The following GADL1 variants were observed in gnomAD, a reference collection of about 807,000 sequenced individuals.
GADL1 encodes GAD like acidic amino acid decarboxylase 1.
Under a neutral mutation model 69.5 loss-of-function variants are expected in GADL1, and 71 were observed. The ratio of observed to expected loss-of-function variants is 1.02; its 90% confidence interval spans 0.84 to 1.25. The LOEUF (loss-of-function observed/expected upper bound fraction) is 1.25, where lower values mean the gene tolerates loss of function less well. Among genes scored for constraint, GADL1 ranks in the 50% most tolerant of loss-of-function variants. GADL1 has a pLI of 0.00. For missense variants in GADL1, 737 were observed against 631.8 expected, an observed-to-expected ratio of 1.17 and a Z score of -1.79; for synonymous variants, 254 against 214.4, an observed-to-expected ratio of 1.18 and a Z score of -1.62.
Position 30,844,407 on chromosome 3 carries a change from G to A in GADL1, c.711C>T (p.Cys237=), listed in dbSNP as rs1698021566. The A allele has an allele frequency of 1.2e-6, 2 of 1,613,068 alleles. No homozygotes were observed. The highest frequency in any genetic ancestry group is 1.7e-6 in the Non-Finnish European group (2 of 1,179,250). Residue 237 remains cysteine, a synonymous_variant, in exon 7 of 15, where the codon TGC becomes TGT. Transcript: ENST00000282538. Reference sequence around the variant, plus strand: ...ATTACCTTCCATCTGTTTCCACAAAGCAAACATTCTCAGTGCCAATCCCAA... The same window carrying A: ...ATTACCTTCCATCTGTTTCCACAAAACAAACATTCTCAGTGCCAATCCCAA... ...SFLGIGTENV[C]FVETDGRGKM...
At chr3:30,746,788 A>G (rs79024192) in intron 14 of GADL1, among the ~76,000 whole-genome samples, 26 of 152,350 alleles carry the variant, frequency 1.7e-4, no homozygotes, top group Non-Finnish European at 3.7e-4. Context: ...AAAAATTTCC[A>G]TTAAAATAAT....
intron 3 of GADL1, among the ~76,000 whole-genome samples, chr3:30,856,621 C>G (rs1213904851): frequency 6.6e-6 from 1 of 151,946 alleles, no homozygotes; most frequent in African/African-American, 2.4e-5. Context: ...CTTTTGAACA[C>G]TTTTTTTGCA....
chr3:30,846,106 C>A (rs1234382755), intron 6 of GADL1, among the ~76,000 whole-genome samples: 1 of 150,420 alleles, frequency 6.6e-6, no homozygotes, highest in Non-Finnish European at 1.5e-5. Flanking sequence ...CATCTGAAAG[C>A]TTCAGAGAAG....
At chr3:30,844,941 A>AGGGT (rs1698030044) in intron 6 of GADL1, among the ~76,000 whole-genome samples, 3 of 152,158 alleles carry the variant, frequency 2.0e-5, no homozygotes, top group Admixed American at 6.5e-5. Context: ...GGAAACTTAG[A>AGGGT]ATCTAGTCCA....
At chr3:30,877,993 A>G (rs1453713914) in intron 1 of GADL1, among the ~76,000 whole-genome samples, 3 of 151,850 alleles carry the variant, frequency 2.0e-5, no homozygotes, top group Admixed American at 2.0e-4. Flanking sequence ...AACACACATA[A>G]ATTCCAAGTA....
chr3:30,782,937 AG>A (rs1373231812), intron 13 of GADL1, among the ~76,000 whole-genome samples: 2 of 152,206 alleles, frequency 1.3e-5, no homozygotes, highest in East Asian at 1.9e-4. Context: ...TAGTTTTATT[AG>A]ATTACAAGAT....
intron 1 of GADL1, among the ~76,000 whole-genome samples, chr3:30,885,789 T>C (rs1698695690): frequency 6.6e-6 from 1 of 151,942 alleles, no homozygotes; most frequent in Non-Finnish European, 1.5e-5. Flanking sequence ...TTACTTTTAA[T>C]AGAGGTGAGA....
intron 12 of GADL1, among the ~76,000 whole-genome samples, chr3:30,794,404 T>C (rs1001368016): frequency 2.0e-5 from 3 of 152,110 alleles, no homozygotes; most frequent in African/African-American, 7.2e-5. Flanking sequence ...GAAGGTGCCC[T>C]CAGCAACAGG....
At chr3:30,860,464 C>G (rs968697605) in intron 2 of GADL1, among the ~76,000 whole-genome samples, 1 of 151,874 alleles carries the variant, frequency 6.6e-6, no homozygotes, top group Non-Finnish European at 1.5e-5. Context: ...AAGTATTTCA[C>G]AAGTACAGAG....
At chr3:30,771,797 CAATT>C (rs997139572) in intron 14 of GADL1, among the ~76,000 whole-genome samples, 41 of 152,262 alleles carry the variant, frequency 2.7e-4, no homozygotes, top group Admixed American at 1.2e-3. Flanking sequence ...ACACAGCTTT[CAATT>C]AATTTGTGAA....
At chr3:30,755,556 T>C (rs1399978747) in intron 14 of GADL1, among the ~76,000 whole-genome samples, 2 of 151,666 alleles carry the variant, frequency 1.3e-5, no homozygotes, top group African/African-American at 2.4e-5. Flanking sequence ...CTTTGCAATA[T>C]GTTACGACAG....
intron 14 of GADL1, among the ~76,000 whole-genome samples, chr3:30,769,540 T>C (rs1559494412): frequency 8.4e-6 from 1 of 119,748 alleles, no homozygotes; most frequent in Non-Finnish European, 1.7e-5. Flanking sequence ...TCCTCTATGG[T>C]CTAATCATGG....
intron 2 of GADL1, among the ~76,000 whole-genome samples, chr3:30,861,147 C>T (rs1698314571): frequency 1.3e-5 from 2 of 151,840 alleles, no homozygotes; most frequent in Non-Finnish European, 2.9e-5. Flanking sequence ...TTCATAAGGA[C>T]CTTAAGATAA....
intron 11 of GADL1, among the ~76,000 whole-genome samples, chr3:30,823,753 G>T (rs1057076458): frequency 6.6e-6 from 1 of 151,924 alleles, no homozygotes; most frequent in Non-Finnish European, 1.5e-5. Context: ...CAGTGTTCAA[G>T]TATATAAAAG....
chr3:30,836,397 T>TAA lies in GADL1; in HGVS notation c.904-2118_904-2117dup, dbSNP rs34081672. ...ACAGCTCATCCATAAATTTATTCCT[T>TAA]AAAAAAAAAAAAACACCCCTGATGT... On this transcript the variant is annotated intron_variant, in intron 9 of 14. Transcript: ENST00000282538. 0.012 allele frequency among the ~76,000 whole-genome samples: 1,748 copies of TAA among 144,760 alleles called. 82 individuals carry two copies. In the East Asian group the frequency reaches 0.19, roughly 16 times the overall value. 95.0% of individuals were successfully genotyped at this position (144,760 alleles called of 152,430 possible). A position where few individuals can be genotyped will look rare whatever the true frequency, so the allele number is the denominator to read the frequency against.
chr3:30,866,832 C>T lies in GADL1; in HGVS notation c.38-5067G>A, dbSNP rs188248667. Among the ~76,000 whole-genome samples, 6 of 152,140 alleles carry T rather than the reference C, an allele frequency of 3.9e-5. No homozygotes were observed. In the East Asian group the frequency reaches 1.2e-3, roughly 30 times the overall value. ...AGATTATAAACCTACAGAAAAAAGC[C>T]ATGTCTCATTTTACTGACCATTCCA... On this transcript the variant is annotated intron_variant, in intron 1 of 14. Coordinates refer to ENST00000282538, the MANE Select transcript of GADL1 (RefSeq NM_207359.3).
chr3:30,808,985 G>A (rs1015586987), intron 11 of GADL1, among the ~76,000 whole-genome samples: 2 of 152,136 alleles, frequency 1.3e-5, no homozygotes, highest in Non-Finnish European at 2.9e-5. Flanking sequence ...GTGACTAAAC[G>A]GTGGTGGAGA....
At chr3:30,820,055 C>T (rs1697544653) in intron 11 of GADL1, among the ~76,000 whole-genome samples, 3 of 151,576 alleles carry the variant, frequency 2.0e-5, no homozygotes, top group Admixed American at 2.0e-4. Flanking sequence ...TACTATCCAA[C>T]CAAGATAAAA....
At chr3:30,766,649 G>GT (rs1239395234) in intron 14 of GADL1, among the ~76,000 whole-genome samples, 5 of 152,152 alleles carry the variant, frequency 3.3e-5, no homozygotes, top group African/African-American at 9.7e-5. Flanking sequence ...TTTCATCCAG[G>GT]TTTTTCTGAC....
Sources: gnomAD v4.1 joint callset for allele counts (sites outside exome capture counted in the v4.1 genomes callset) on GRCh38, gnomAD v4.1.1 for gene constraint, MANE v1.5 for transcripts, NCBI Gene and HGNC (gene_info 2026-07-23, HGNC 2026-07-21) for gene names.